ALMS1: variants seen among roughly 807,000 people sequenced by gnomAD.
ALMS1 encodes the protein centrosome-associated protein ALMS1.
ALMS1 carries 271 observed loss-of-function variants against 352.2 expected under a neutral mutation model. The ratio of observed to expected loss-of-function variants is 0.77; its 90% CI spans 0.70 to 0.85. The LOEUF is 0.85. ALMS1 is among the 40% of genes least tolerant of loss of function. The probability of loss-of-function intolerance (pLI) is 0.00; values close to 1 mark genes in which losing one functional copy is unlikely to be tolerated. For synonymous variants in ALMS1, 1,865 were observed against 1,761.2 expected (o/e 1.06, Z -1.48); for missense variants, 5,445 against 4,870.7 (o/e 1.12, Z -3.51).
intron 16 of ALMS1, among the ~76,000 whole-genome samples, chr2:73,585,604 C>T (rs1162796155): frequency 6.6e-6 from 1 of 151,774 alleles, no homozygotes; most frequent in Non-Finnish European, 1.5e-5. Flanking sequence ...CTGTCTGAGC[C>T]AGGATGGTCT....
intron 7 of ALMS1, among the ~76,000 whole-genome samples, chr2:73,447,492 C>A (rs996687779): frequency 6.6e-6 from 1 of 152,100 alleles, no homozygotes; most frequent in African/African-American, 2.4e-5. Context: ...TGTACTGCCC[C>A]TGTGGGACTT....
intron 15 of ALMS1, among the ~76,000 whole-genome samples, chr2:73,569,484 A>C (rs949478004): frequency 6.6e-6 from 1 of 152,130 alleles, no homozygotes. Context: ...TAGGCCTTCA[A>C]ATTTTTGCTT....
rs568809052 is a variant in ALMS1 at position 73,572,253 on chromosome 2, C to T, written c.10385-9C>T. On this transcript the variant is annotated splice_polypyrimidine_tract_variant and intron_variant, in intron 15 of 22. Transcript: ENST00000613296. ...AAGTTCTTTCAAAATCTTTTTTTCT[C>T]CTTTTCAGAGTCCGAATGTCATTCA... The T allele has an allele frequency of 2.5e-6, 4 of 1,601,586 alleles. No homozygotes were observed. Among genetic ancestry groups the T allele is most frequent in the African/African-American group, 2.7e-5 (2 of 74,060 alleles).
At chr2:73,425,003 A>G (rs1374733320) in intron 5 of ALMS1, 101 bp downstream of exon 5, 10 of 1,027,912 alleles carry the variant, frequency 9.7e-6, no homozygotes, top group Non-Finnish European at 1.4e-5. Flanking sequence ...CCTATGTGCC[A>G]TGGAACAAAG....
At chr2:73,553,389 TA>T in intron 13 of ALMS1, among the ~76,000 whole-genome samples, 1 of 152,146 alleles carries the variant, frequency 6.6e-6, no homozygotes, top group East Asian at 1.9e-4. Flanking sequence ...GTGGCGGTGG[TA>T]CACAAGGCCT....
intron 16 of ALMS1, among the ~76,000 whole-genome samples, chr2:73,594,062 CAT>C (rs1324149673): frequency 1.3e-5 from 2 of 152,104 alleles, no homozygotes; most frequent in African/African-American, 4.8e-5. Flanking sequence ...TTTTTGAGGG[CAT>C]ATGTTTTCAT....
intron 9 of ALMS1, among the ~76,000 whole-genome samples, chr2:73,473,763 A>G (rs375194755): frequency 1.4e-4 from 21 of 152,248 alleles, no homozygotes; most frequent in East Asian, 5.8e-4. Context: ...GAAGGATTCA[A>G]TAGCTGAGTA....
In ALMS1 at chr2:73,449,438, G is replaced by A. The variant is rs1281703855; in HGVS notation, c.2911G>A (p.Asp971Asn). ...SSVFYQQELP[D>N]SDLPRESLKM... ...TGTTTTCTACCAGCAAGAGTTGCCA[G>A]ACAGTGATCTACCTAGAGAATCTCT... The change falls in exon 8 of 23, where the codon GAC (aspartate) becomes AAC (asparagine). Residue 971 changes from aspartate (D) to asparagine (N), a missense_variant. Coordinates refer to ENST00000613296, the MANE Select transcript of ALMS1 (RefSeq NM_001378454.1). 6.2e-7 allele frequency: 1 copy of A among 1,613,946 alleles called. No homozygotes were observed. Among genetic ancestry groups the A allele is most frequent in the African/African-American group, 1.3e-5 (1 of 74,910 alleles).
At chr2:73,579,077 T>A (rs1357372097) in intron 16 of ALMS1, among the ~76,000 whole-genome samples, 1 of 142,810 alleles carries the variant, frequency 7.0e-6, no homozygotes, top group African/African-American at 2.8e-5. Flanking sequence ...TTTTATTTAT[T>A]TTTTTTTTTG....
intron 9 of ALMS1, among the ~76,000 whole-genome samples, chr2:73,460,883 G>T (rs1672180559): frequency 6.6e-6 from 1 of 152,258 alleles, no homozygotes; most frequent in African/African-American, 2.4e-5. Flanking sequence ...CAGCAGCGAG[G>T]CTGGGGGAGG....
At chr2:73,586,162 T>A (rs566601607) in intron 16 of ALMS1, among the ~76,000 whole-genome samples, 30 of 152,378 alleles carry the variant, frequency 2.0e-4, no homozygotes, top group East Asian at 1.2e-3. Flanking sequence ...CCTTGTAGAT[T>A]CTGCATATTA....
intron 15 of ALMS1, among the ~76,000 whole-genome samples, chr2:73,569,158 G>A (rs763789637): frequency 5.3e-5 from 8 of 151,706 alleles, no homozygotes; most frequent in Non-Finnish European, 1.2e-4. Context: ...GGGATTGCAC[G>A]TGTGCACCAC....
rs747436819 is a variant in ALMS1, at chr2:73,568,995, C to CTTTTTTTTTT, written c.10385-3239_10385-3230dup. ...AGCTTGCTTGCTGCTGCTTCTGCTT[C>CTTTTTTTTTT]TTTTTTTTTTTTTTTTTTTTTTTTT... On this transcript the variant is annotated intron_variant, in intron 15 of 22. Coordinates refer to ENST00000613296, the MANE Select transcript of ALMS1 (RefSeq NM_001378454.1). Among the ~76,000 whole-genome samples the CTTTTTTTTTT allele has an allele frequency of 2.4e-3, 126 of 53,554 alleles. 47 individuals are homozygous for CTTTTTTTTTT. Among genetic ancestry groups the CTTTTTTTTTT allele is most frequent in the East Asian group, 5.6e-3 (11 of 1,976 alleles). The allele number at this position is 53,554 out of a possible 152,430, so 35.1% of individuals were successfully genotyped here.
intron 6 of ALMS1, among the ~76,000 whole-genome samples, chr2:73,426,851 G>A (rs1671389693): frequency 6.6e-6 from 1 of 152,044 alleles, no homozygotes; most frequent in African/African-American, 2.4e-5. Context: ...GGGAGGGAAT[G>A]TTTTATTTGA....
At chr2:73,435,523 G>A (rs895374744) in intron 7 of ALMS1, among the ~76,000 whole-genome samples, 17 of 139,814 alleles carry the variant, frequency 1.2e-4, no homozygotes, top group Admixed American at 4.5e-4. Context: ...CTTTACTCCC[G>A]TATAGCTCTA....
intron 9 of ALMS1, among the ~76,000 whole-genome samples, chr2:73,457,778 A>G (rs1472604128): frequency 6.6e-6 from 1 of 151,948 alleles, no homozygotes; most frequent in Non-Finnish European, 1.5e-5. Context: ...CATGCCTGTA[A>G]TCCTAGCACT....
At position 73,448,614 on chromosome 2, in the gene ALMS1, C is replaced by T. The variant is rs1490504758; in HGVS notation, c.2087C>T (p.Ser696Leu). ...GHLTDQALKV[S>L]AVSGPADQKT... ...CTAACTGATCAGGCTCTGAAAGTCT[C>T]AGCTGTGTCTGGACCAGCTGACCAG... The change falls in exon 8 of 23, where the codon TCA becomes TTA. Residue 696 changes from serine to leucine, a missense_variant. Ser to Leu is a moderately radical substitution (Grantham distance 145). Transcript: ENST00000613296. 4 of 1,614,020 alleles carry T rather than the reference C, an allele frequency of 2.5e-6. No homozygotes were observed. Among genetic ancestry groups the T allele is most frequent in the African/African-American group, 1.3e-5 (1 of 74,982 alleles).
At chr2:73,437,359 G>A (rs1240045825) in intron 7 of ALMS1, among the ~76,000 whole-genome samples, 1 of 152,200 alleles carries the variant, frequency 6.6e-6, no homozygotes, top group Non-Finnish European at 1.5e-5. Flanking sequence ...CTCTCCTGGA[G>A]TGGACCCTCA....
At chr2:73,492,258 G>A (rs1267798626) in intron 10 of ALMS1, among the ~76,000 whole-genome samples, 1 of 152,162 alleles carries the variant, frequency 6.6e-6, no homozygotes, top group East Asian at 1.9e-4. Context: ...GTACCACAGT[G>A]GAGAGCGCTA....
Sources: gnomAD v4.1 joint callset for allele counts (sites outside exome capture counted in the v4.1 genomes callset) on GRCh38, gnomAD v4.1.1 for gene constraint, MANE v1.5 for transcripts, NCBI Gene and HGNC (gene_info 2026-07-23, HGNC 2026-07-21) for gene names.